The following EFR3A variants were observed in gnomAD, a reference collection of about 807,000 sequenced individuals.
EFR3A encodes the protein EFR3 homolog A.
In EFR3A, 76 loss-of-function variants were observed where a neutral mutation model predicts 104.4. That is an observed-to-expected ratio of 0.73 (90% CI 0.60 to 0.88). The LOEUF (loss-of-function observed/expected upper bound fraction) is 0.88. Among genes scored for constraint, EFR3A ranks in the 40% least tolerant of loss-of-function variants. The pLI is 0.00. For missense variants in EFR3A, 985 were observed against 1,012.5 expected (o/e 0.97, Z 0.37); for synonymous variants, 330 against 330.0 (o/e 1.00, Z 0.00).
intron 8 of EFR3A, among the ~76,000 whole-genome samples, chr8:131,961,098 C>G (rs904071808): frequency 3.9e-5 from 6 of 152,074 alleles, no homozygotes; most frequent in Non-Finnish European, 8.8e-5. Context: ...TAGATAAAAC[C>G]ACAAAGATGG....
intron 1 of EFR3A, among the ~76,000 whole-genome samples, chr8:131,907,591 A>G (rs7825119): frequency 0.041 from 6,186 of 152,236 alleles, 305 homozygotes; most frequent in East Asian, 0.12. Context: ...GATGAGGCTA[A>G]TTACATTTAA....
intron 2 of EFR3A, 76 bp downstream of exon 2, chr8:131,940,651 C>G: frequency 6.6e-7 from 1 of 1,508,188 alleles, no homozygotes; most frequent in Non-Finnish European, 8.9e-7. Flanking sequence ...TAAGGTTTCC[C>G]TAATTTCATT....
At position 131,904,339 on chromosome 8, in the gene EFR3A, G is replaced by C. The variant is rs1378149455; in HGVS notation, c.10+17G>C. The C allele has an allele frequency of 1.6e-6, 2 of 1,248,066 alleles. No homozygotes were observed. Among genetic ancestry groups the C allele is most frequent in the Non-Finnish European group, 1.0e-6 (1 of 995,220 alleles). 77.3% of individuals were successfully genotyped at this position (1,248,066 alleles called of 1,614,324 possible). On this transcript the variant is annotated intron_variant, in intron 1 of 22. Transcript: ENST00000254624. The stretch of plus-strand genomic sequence containing the variant: ...TGCCTACCCGTGAGTGGCCGGCCGA[G>C]GGCCGGGGGCGTTGGGAGGCGACTG...
At chr8:131,955,946 G>A in intron 7 of EFR3A, 41 bp downstream of exon 7, 1 of 1,604,044 alleles carries the variant, frequency 6.2e-7, no homozygotes, top group African/African-American at 1.3e-5. Context: ...TGATTTTGCT[G>A]TATTAATTCT....
At chr8:131,918,483 C>T (rs1337364700) in intron 1 of EFR3A, among the ~76,000 whole-genome samples, 1 of 152,156 alleles carries the variant, frequency 6.6e-6, no homozygotes. Context: ...TTTAATTGAA[C>T]ATTTTACTTA....
At chr8:131,962,395 G>A (rs1390055433) in intron 8 of EFR3A, among the ~76,000 whole-genome samples, 1 of 152,066 alleles carries the variant, frequency 6.6e-6, no homozygotes, top group Non-Finnish European at 1.5e-5. Context: ...ACAAAAAACG[G>A]CAGGTGTTGC....
chr8:131,961,051 A>G (rs1232256967), intron 8 of EFR3A, among the ~76,000 whole-genome samples: 1 of 152,078 alleles, frequency 6.6e-6, no homozygotes, highest in Non-Finnish European at 1.5e-5. Context: ...CCACACCAAA[A>G]CCCCATCTTT....
chr8:131,965,205 A>G (rs898518578), intron 8 of EFR3A, among the ~76,000 whole-genome samples: 1 of 152,220 alleles, frequency 6.6e-6, no homozygotes, highest in Non-Finnish European at 1.5e-5. Context: ...CAAAAGCCAC[A>G]ATTGACAAAT....
At chr8:131,957,621 A>G (rs1819079689) in intron 7 of EFR3A, among the ~76,000 whole-genome samples, 1 of 152,168 alleles carries the variant, frequency 6.6e-6, no homozygotes. Flanking sequence ...TAGTGCTGGG[A>G]TTACAGGCAT....
intron 1 of EFR3A, among the ~76,000 whole-genome samples, chr8:131,916,419 G>T (rs1275029310): frequency 6.6e-6 from 1 of 152,142 alleles, no homozygotes. Flanking sequence ...ATGGGTGAAT[G>T]GTTCTGGTTT....
At chr8:132,000,375 G>A (rs1435123639) in intron 19 of EFR3A, among the ~76,000 whole-genome samples, 1 of 152,036 alleles carries the variant, frequency 6.6e-6, no homozygotes, top group African/African-American at 2.4e-5. Context: ...TGATCCACCC[G>A]CCTCCGCCTC....
chr8:131,971,738 C>T (rs1027993824), intron 10 of EFR3A, among the ~76,000 whole-genome samples: 7 of 151,878 alleles, frequency 4.6e-5, no homozygotes, highest in African/African-American at 7.3e-5. Flanking sequence ...ATACTACATA[C>T]GTGATATGTT....
At chr8:131,954,894 A>G (rs1331103297) in intron 6 of EFR3A, among the ~76,000 whole-genome samples, 1 of 152,086 alleles carries the variant, frequency 6.6e-6, no homozygotes, top group Non-Finnish European at 1.5e-5. Flanking sequence ...CTATGGTAAC[A>G]CACGTTCATG....
At chr8:131,983,227 AC>A (rs780099960) in intron 14 of EFR3A, among the ~76,000 whole-genome samples, 97 of 152,274 alleles carry the variant, frequency 6.4e-4, no homozygotes, top group South Asian at 2.1e-3. Context: ...AGTGTTCTTA[AC>A]CCTGCCTGCC....
In EFR3A at chr8:131,986,205, T is replaced by C; in HGVS notation, c.1881T>C (p.Ile627=). 1 of 1,588,006 alleles carries C rather than the reference T, an allele frequency of 6.3e-7. No individual in the cohort carries two copies. Among genetic ancestry groups the C allele is most frequent in the Non-Finnish European group, 8.6e-7 (1 of 1,159,080 alleles). The change falls in exon 17 of 23, where the codon ATT becomes ATC. Residue 627 remains isoleucine (I), a synonymous_variant. Coordinates refer to ENST00000254624, the MANE Select transcript of EFR3A (RefSeq NM_015137.6). The part of the protein sequence containing the change: ...FCQHVSKVIE[I]RTMEAPYFLP... The stretch of plus-strand genomic sequence containing the variant: ...TGAATATTTTTTAGGTTATTGAAAT[T>C]CGAACTATGGAAGCCCCTTATTTTC...
chr8:131,971,549 G>C (rs921157016), intron 10 of EFR3A, among the ~76,000 whole-genome samples: 1 of 152,052 alleles, frequency 6.6e-6, no homozygotes, highest in African/African-American at 2.4e-5. Context: ...TTAGCCGGGC[G>C]AGGTGGCGGG....
chr8:131,968,570 G>T, intron 9 of EFR3A, 140 bp downstream of exon 9: 2 of 839,048 alleles, frequency 2.4e-6, no homozygotes, highest in Non-Finnish European at 3.5e-6. Context: ...TTGAAATTTG[G>T]GTTCATGCAA....
intron 1 of EFR3A, among the ~76,000 whole-genome samples, chr8:131,927,860 C>T (rs1412964759): frequency 1.3e-5 from 2 of 152,018 alleles, no homozygotes; most frequent in African/African-American, 4.8e-5. Flanking sequence ...GAGCCCTTCC[C>T]TTATGAAACT....
In EFR3A at chr8:131,984,983, A is replaced by T. The variant is rs1399883299; in HGVS notation, c.1792A>T (p.Met598Leu). ...NLPMFHRCGI[M>L]ALVAAYLNFV... The stretch of plus-strand genomic sequence containing the variant: ...GCCAATGTTCCATCGTTGTGGAATC[A>T]TGGCACTGGTTGCAGCATACCTCAA... The change falls in exon 16 of 23, where the codon ATG (methionine) becomes TTG (leucine). Residue 598 changes from methionine (M) to leucine (L), a missense_variant. Transcript: ENST00000254624. The T allele has an allele frequency of 1.2e-6, 2 of 1,613,636 alleles. No homozygotes were observed. Among genetic ancestry groups the T allele is most frequent in the South Asian group, 2.2e-5 (2 of 91,074 alleles).
Sources: gnomAD v4.1 joint callset for allele counts (sites outside exome capture counted in the v4.1 genomes callset) on GRCh38, gnomAD v4.1.1 for gene constraint, MANE v1.5 for transcripts, NCBI Gene and HGNC (gene_info 2026-07-23, HGNC 2026-07-21) for gene names.